Variants in MYLK observed in about 807,000 individuals in gnomAD.
The protein encoded by MYLK is myosin light chain kinase, smooth muscle.
MYLK carries 106 observed loss-of-function variants against 203.4 expected under a neutral mutation model. The ratio of observed to expected loss-of-function variants is 0.52; its 90% confidence interval spans 0.45 to 0.61. The LOEUF is 0.61. Among genes scored for constraint, MYLK ranks in the 20% least tolerant of loss-of-function variants. The pLI, the probability that MYLK is intolerant of heterozygous loss-of-function variation, is 0.00. For missense variants in MYLK, 2,072 were observed against 2,442.3 expected (o/e 0.85, Z 3.20); for synonymous variants, 867 against 959.5 (o/e 0.90, Z 1.78).
chr3:123,648,863 A>G lies in MYLK; in HGVS notation c.4415+108T>C. On this transcript the variant is annotated intron_variant, in intron 26 of 33. Coordinates refer to ENST00000360304, the MANE Select transcript of MYLK (RefSeq NM_053025.4). The surrounding 1 kb of genome is among the most constrained non-coding windows in gnomAD (Gnocchi z 4.5). ...ATCCTGCAGGACTCTCAGTCTGGGGAGGAGGCAGGCCCCAGGGAGCAACAG... is the reference window on the plus strand; with the variant it reads ...ATCCTGCAGGACTCTCAGTCTGGGGGGGAGGCAGGCCCCAGGGAGCAACAG... 1 of 897,168 alleles carries G rather than the reference A, an allele frequency of 1.1e-6. No homozygotes were observed. The highest frequency in any genetic ancestry group is 1.8e-6 in the Non-Finnish European group (1 of 540,846). 55.6% of individuals were successfully genotyped at this position (897,168 alleles called of 1,614,324 possible).
intron 13 of MYLK, 102 bp from the exon 14 acceptor site, chr3:123,709,995 C>T (rs2061628562): frequency 8.1e-6 from 12 of 1,485,402 alleles, no homozygotes; most frequent in Middle Eastern, 1.7e-4. Context: ...ATGCTCAGTT[C>T]CCACCAGAAA....
chr3:123,830,435 A>AGCAG (rs2148619873), intron 3 of MYLK, among the ~76,000 whole-genome samples: 1 of 152,340 alleles, frequency 6.6e-6, no homozygotes, highest in East Asian at 1.9e-4. Context: ...TTAACAAAAC[A>AGCAG]GCAGGCCCTA....
At chr3:123,674,995 A>G (rs1283622849) in intron 20 of MYLK, among the ~76,000 whole-genome samples, 1 of 152,272 alleles carries the variant, frequency 6.6e-6, no homozygotes, top group African/African-American at 2.4e-5. Flanking sequence ...TACCTGGCAC[A>G]TGCCTGATAA....
At chr3:123,782,481 A>T (rs1560210179) in intron 4 of MYLK, among the ~76,000 whole-genome samples, 1 of 152,320 alleles carries the variant, frequency 6.6e-6, no homozygotes, top group Middle Eastern at 3.4e-3. Context: ...CTTACTTATT[A>T]ACTTTACTTA....
intron 9 of MYLK, 142 bp downstream of exon 9, chr3:123,735,256 A>G (rs2062633941): frequency 1.7e-6 from 2 of 1,159,132 alleles, no homozygotes; most frequent in Non-Finnish European, 1.3e-6. Context: ...ACAAGACAAA[A>G]CACCCAAAAT....
At chr3:123,634,672 G>A (rs2058571283) in intron 29 of MYLK, among the ~76,000 whole-genome samples, 1 of 152,242 alleles carries the variant, frequency 6.6e-6, no homozygotes, top group South Asian at 2.1e-4. Context: ...CTTGAGGGAG[G>A]CTGGGAGAGA....
At chr3:123,777,419 G>A (rs1354918990) in intron 4 of MYLK, among the ~76,000 whole-genome samples, 2 of 152,224 alleles carry the variant, frequency 1.3e-5, no homozygotes, top group African/African-American at 4.8e-5. Context: ...GCTCTGGCAA[G>A]CCCATGTTTA....
intron 8 of MYLK, among the ~76,000 whole-genome samples, chr3:123,736,762 A>C (rs1038837957): frequency 6.6e-6 from 1 of 152,226 alleles, no homozygotes; most frequent in Non-Finnish European, 1.5e-5. Context: ...CGTTAGCAAC[A>C]TTCATTCTTC....
chr3:123,684,756 G>A (rs2060391422), intron 19 of MYLK, among the ~76,000 whole-genome samples: 1 of 152,208 alleles, frequency 6.6e-6, no homozygotes, highest in African/African-American at 2.4e-5. Flanking sequence ...GGCTGGTCTT[G>A]AATTCCTGGC....
intron 3 of MYLK, 146 bp downstream of exon 3, chr3:123,831,402 G>C: frequency 7.8e-7 from 1 of 1,289,544 alleles, no homozygotes. Flanking sequence ...TTACCTGCTT[G>C]GGCAGCTGGC....
At chr3:123,657,518 A>T in intron 23 of MYLK, 90 bp from the exon 24 acceptor site, 2 of 1,353,308 alleles carry the variant, frequency 1.5e-6, no homozygotes, top group Non-Finnish European at 2.1e-6. Flanking sequence ...GGGGGAAGGC[A>T]GCCTAGAGAA....
Position 123,647,279 on chromosome 3 carries a change from C to T in MYLK, c.4564G>A (p.Val1522Ile), listed in dbSNP as rs1249511435. 6.2e-7 allele frequency: 1 copy of T among 1,614,228 alleles called. No homozygotes were observed. The highest frequency in any genetic ancestry group is 1.7e-5 in the Admixed American group (1 of 60,026). The stretch of plus-strand genomic sequence containing the variant: ...TCTTCAAAGGCATCCACACACTGGA[C>T]CAGCTTAGGGTGGTGGAGGCAGTTC... ...IMNCLHHPKLVQCVDAFEEKA... is the reference protein window; with the variant it reads ...IMNCLHHPKLIQCVDAFEEKA... The change falls in exon 27 of 34, where the codon GTC becomes ATC. Residue 1522 changes from valine (V) to isoleucine (I), a missense_variant. Physicochemically the swap from Val to Ile is conservative, Grantham distance 29. Coordinates refer to ENST00000360304, the MANE Select transcript of MYLK (RefSeq NM_053025.4).
At position 123,739,999 on chromosome 3, in the gene MYLK, T is replaced by G; in HGVS notation, c.376A>C (p.Ser126Arg). Residue 126 changes from serine (S) to arginine (R), a missense_variant and splice_region_variant, in exon 6 of 34, where the codon AGT becomes CGT. Physicochemically the swap from Ser to Arg is moderately radical, Grantham distance 110. Transcript: ENST00000360304. ...QVTVELTVEGSFAKQLGQPVV... is the reference protein window; with the variant it reads ...QVTVELTVEGRFAKQLGQPVV... ...GGCTGACCAAGCTGCTTCGCAAAAC[T>G]TCCTGCAAGAAAAAGAGTTGATGAG... 6.2e-7 allele frequency: 1 copy of G among 1,613,890 alleles called. No homozygotes were observed.
At chr3:123,683,654 G>GGGA (rs1163020277) in intron 19 of MYLK, among the ~76,000 whole-genome samples, 1 of 152,162 alleles carries the variant, frequency 6.6e-6, no homozygotes, top group Non-Finnish European at 1.5e-5. Flanking sequence ...GGGTAATCCA[G>GGGA]GGAGGAGGCC....
chr3:123,802,832 C>T (rs1331262320), intron 3 of MYLK, among the ~76,000 whole-genome samples: 2 of 152,190 alleles, frequency 1.3e-5, no homozygotes, highest in African/African-American at 4.8e-5. Flanking sequence ...ATGCACACTC[C>T]AGCTATAATC....
Position 123,827,694 on chromosome 3 carries a change from CATATATATATATATATATATATATATAT to C in MYLK, c.-4+3826_-4+3853del, listed in dbSNP as rs3052386. Among the ~76,000 whole-genome samples, 55 of 24,314 alleles carry C rather than the reference CATATATATATATATATATATATATATAT, an allele frequency of 2.3e-3. 1 individual carries two copies. The highest frequency in any genetic ancestry group is 0.011 in the South Asian group (5 of 454). 16.0% of individuals were successfully genotyped at this position (24,314 alleles called of 152,430 possible). A position where few individuals can be genotyped will look rare whatever the true frequency, so the allele number is the denominator to read the frequency against. On this transcript the variant is annotated intron_variant, in intron 3 of 33. Coordinates refer to ENST00000360304, the MANE Select transcript of MYLK (RefSeq NM_053025.4). ...CTGGAAATGAAAAGATGAAAAACAC[CATATATATATATATATATATATATATAT>C]ATATATATATATATATATATATATA...
rs1291689727 is a variant in MYLK, at chr3:123,793,819, G to A, written c.23C>T (p.Ala8Val). Residue 8 changes from alanine (A) to valine (V), a missense_variant, in exon 4 of 34, where the codon GCC (alanine) becomes GTC (valine). Transcript: ENST00000360304. MGDVKLV[A>V]SSHISKTSLS... The stretch of plus-strand genomic sequence containing the variant: ...GGAGGTTTTGGAAATGTGTGACGAG[G>A]CAACCAGCTTCACATCCCCCATGGT... The A allele has an allele frequency of 6.2e-7, 1 of 1,614,082 alleles. No individual in the cohort carries two copies. The highest frequency in any genetic ancestry group is 8.5e-7 in the Non-Finnish European group (1 of 1,180,046).
chr3:123,759,691 C>A, intron 4 of MYLK, among the ~76,000 whole-genome samples: 1 of 152,186 alleles, frequency 6.6e-6, no homozygotes, highest in East Asian at 1.9e-4. Flanking sequence ...ATCTTCCCTG[C>A]AACTTTATCT....
chr3:123,616,388 T>C (rs377543073), intron 33 of MYLK: 2 of 152,164 alleles, frequency 1.3e-5, no homozygotes, highest in African/African-American at 2.4e-5. Flanking sequence ...TGTGTACATA[T>C]ATATGTACAG....
Sources: allele counts gnomAD v4.1 joint callset (sites outside exome capture counted in the v4.1 genomes callset), GRCh38; gene constraint gnomAD v4.1.1; non-coding constraint Gnocchi (gnomAD v3.1); transcripts MANE v1.5; gene names NCBI Gene and HGNC (gene_info 2026-07-23, HGNC 2026-07-21).